SPPL2A: variants seen among roughly 807,000 people sequenced by gnomAD.
The protein encoded by SPPL2A is signal peptide peptidase like 2A, also known as signal peptide peptidase-like 2A.
Under a neutral mutation model 63.8 loss-of-function variants are expected in SPPL2A, and 51 were observed. The ratio of observed to expected loss-of-function variants is 0.80; its 90% CI spans 0.64 to 1.01. SPPL2A has a LOEUF of 1.01. Ranked by LOEUF, SPPL2A falls within the 50% of genes least tolerant of loss-of-function variation. SPPL2A has a pLI of 0.00. For synonymous variants in SPPL2A, 188 were observed against 205.8 expected (o/e 0.91, Z 0.74); for missense variants, 553 against 622.7 (o/e 0.89, Z 1.19).
intron 10 of SPPL2A, among the ~76,000 whole-genome samples, chr15:50,729,996 T>TAAAAAAAAAA (rs10658387): frequency 0.28 from 39,806 of 144,482 alleles, 5,999 homozygotes; most frequent in East Asian, 0.53. Flanking sequence ...CTCGGCCTTT[T>TAAAAAAAAAA]AAAAAAAAAG....
At position 50,725,306 on chromosome 15, in the gene SPPL2A, T is replaced by A; in HGVS notation, c.1164A>T (p.Arg388Ser). ...GNNEKLPVVI[R>S]VPKLIYFSVM... is the part of the protein sequence containing the mutation. ...CTGAGAAATAGATCAGTTTTGGTAC[T>A]CTGATGACTACTGGCAACTGTTCAA... Residue 388 changes from arginine (R) to serine (S), a missense_variant, in exon 12 of 15, where the codon AGA (arginine) becomes AGT (serine). Physicochemically the swap from Arg to Ser is moderately radical, Grantham distance 110. Coordinates refer to ENST00000261854, the MANE Select transcript of SPPL2A (RefSeq NM_032802.4). 1 of 1,588,022 alleles carries A rather than the reference T, an allele frequency of 6.3e-7. No individual in the cohort carries two copies. The highest frequency in any genetic ancestry group is 1.1e-5 in the South Asian group (1 of 88,466).
chr15:50,753,091 T>G (rs2062923966), intron 1 of SPPL2A, among the ~76,000 whole-genome samples: 1 of 152,180 alleles, frequency 6.6e-6, no homozygotes, highest in Non-Finnish European at 1.5e-5. Flanking sequence ...ATAAGGTAAC[T>G]GTTACATTAT....
At chr15:50,710,974 T>C (rs2062551495) in intron 14 of SPPL2A, among the ~76,000 whole-genome samples, 1 of 152,192 alleles carries the variant, frequency 6.6e-6, no homozygotes, top group Admixed American at 6.6e-5. Context: ...CTCCTTTTCA[T>C]TGTGCTATAT....
At chr15:50,747,347 T>C in intron 5 of SPPL2A, 148 bp downstream of exon 5, 1 of 650,816 alleles carries the variant, frequency 1.5e-6, no homozygotes, top group Non-Finnish European at 2.7e-6. Flanking sequence ...AAAATGTAAA[T>C]GATCTACATG....
rs2062843914 is a variant in SPPL2A, at chr15:50,744,515, GTT to G, written c.584+2978_584+2979del. On this transcript the variant is annotated intron_variant, in intron 5 of 14. Coordinates refer to ENST00000261854, the MANE Select transcript of SPPL2A (RefSeq NM_032802.4). ...TCTGGGCACATTTTTTTCATTGAGA[GTT>G]ATGAATATACACTGACTCTTTTTAA... 4.6e-5 allele frequency among the ~76,000 whole-genome samples: 7 copies of G among 152,206 alleles called. No individual in the cohort carries two copies. In the South Asian group the frequency reaches 1.4e-3, roughly 32 times the overall value.
rs2062768455 is a variant in SPPL2A, at chr15:50,736,017, T to C, written c.932+84A>G. ...TGTTCTGGCATAGAAGCAAAAAAAT[T>C]CCATAATAATCATAATAAGTATCAG... On this transcript the variant is annotated intron_variant, in intron 8 of 14. Coordinates refer to ENST00000261854, the MANE Select transcript of SPPL2A (RefSeq NM_032802.4). 2.0e-5 allele frequency: 17 copies of C among 868,290 alleles called. No homozygotes were observed. In the East Asian group the frequency reaches 4.3e-4, roughly 22 times the overall value. The allele number at this position is 868,290 out of a possible 1,614,324, so 53.8% of individuals were successfully genotyped here.
At chr15:50,747,450 T>A in intron 5 of SPPL2A, 45 bp downstream of exon 5, 1 of 1,522,764 alleles carries the variant, frequency 6.6e-7, no homozygotes, top group Non-Finnish European at 8.9e-7. Flanking sequence ...ATTGCAGAAA[T>A]TTTTAACCAT....
At chr15:50,728,654 C>CT (rs1419341050) in intron 10 of SPPL2A, among the ~76,000 whole-genome samples, 2 of 124,172 alleles carry the variant, frequency 1.6e-5, no homozygotes, top group African/African-American at 6.2e-5. Flanking sequence ...CCAACAATTT[C>CT]TTTTTTTGAA....
At chr15:50,755,627 CAAAAAAAAAAAAAAAAAA>C (rs148415568) in intron 1 of SPPL2A, among the ~76,000 whole-genome samples, 2 of 49,550 alleles carry the variant, frequency 4.0e-5, no homozygotes, top group East Asian at 9.5e-4. Context: ...CACCCTGTCT[CAAAAAAAAAAAAAAAAAA>C]AAAAAAAAAA....
chr15:50,742,508 C>G (rs2062830511), intron 5 of SPPL2A, among the ~76,000 whole-genome samples: 1 of 152,094 alleles, frequency 6.6e-6, no homozygotes, highest in Admixed American at 6.6e-5. Context: ...GTTGTGAGGT[C>G]CTGTTCTGGC....
At chr15:50,738,774 AC>A (rs1596388770) in intron 6 of SPPL2A, among the ~76,000 whole-genome samples, 1 of 152,072 alleles carries the variant, frequency 6.6e-6, no homozygotes, top group East Asian at 1.9e-4. Context: ...CATTAATAAG[AC>A]TGTTCAGGAG....
rs2062520661 is a variant in SPPL2A, at chr15:50,707,610, C to T, written c.*190G>A. 1.8e-6 allele frequency: 1 copy of T among 543,326 alleles called. No individual in the cohort carries two copies. Among genetic ancestry groups the T allele is most frequent in the East Asian group, 2.9e-5 (1 of 34,180 alleles). 33.7% of individuals were successfully genotyped at this position (543,326 alleles called of 1,614,324 possible). A position where few individuals can be genotyped will look rare whatever the true frequency, so the allele number is the denominator to read the frequency against. On this transcript the variant is annotated 3_prime_UTR_variant, in exon 15 of 15. Transcript: ENST00000261854. ...CCATATGTTTTATTTAATGTGAAGG[C>T]ACAACTTTAACATTAAAAGCAAAGC...
At chr15:50,761,551 G>A (rs2141065521) in intron 1 of SPPL2A, among the ~76,000 whole-genome samples, 1 of 152,252 alleles carries the variant, frequency 6.6e-6, no homozygotes, top group Non-Finnish European at 1.5e-5. Context: ...GGGAAGCAGA[G>A]GTTGTGATGA....
At chr15:50,708,511 G>C (rs879752868) in intron 14 of SPPL2A, among the ~76,000 whole-genome samples, 2 of 151,474 alleles carry the variant, frequency 1.3e-5, no homozygotes, top group Non-Finnish European at 1.5e-5. Context: ...TTCGAGACCA[G>C]CCTGGCCAAG....
chr15:50,735,248 C>T (rs558435226), intron 8 of SPPL2A, among the ~76,000 whole-genome samples: 2 of 152,098 alleles, frequency 1.3e-5, no homozygotes, highest in South Asian at 2.1e-4. Context: ...CTTGGCATTA[C>T]GTTTGAGATT....
intron 12 of SPPL2A, among the ~76,000 whole-genome samples, chr15:50,723,302 C>T (rs981921978): frequency 6.6e-6 from 1 of 152,148 alleles, no homozygotes; most frequent in Non-Finnish European, 1.5e-5. Flanking sequence ...AATCCCACTA[C>T]TGGGTATATA....
chr15:50,722,289 G>A lies in SPPL2A; in HGVS notation c.1250-88C>T, dbSNP rs75993978. The A allele has an allele frequency of 1.3e-3, 979 of 728,686 alleles. 11 individuals carry two copies. In the African/African-American group the frequency reaches 0.016, roughly 12 times the overall value. 45.1% of individuals were successfully genotyped at this position (728,686 alleles called of 1,614,324 possible). A position where few individuals can be genotyped will look rare whatever the true frequency, so the allele number is the denominator to read the frequency against. On this transcript the variant is annotated intron_variant, in intron 12 of 14. Coordinates refer to ENST00000261854, the MANE Select transcript of SPPL2A (RefSeq NM_032802.4). Reference sequence around the variant, plus strand: ...AACAATAGTAAGTATATGTTATATTGAATCTTCATTGTTGCATTATAAGAA... The same window carrying A: ...AACAATAGTAAGTATATGTTATATTAAATCTTCATTGTTGCATTATAAGAA...
intron 1 of SPPL2A, among the ~76,000 whole-genome samples, chr15:50,752,717 GA>G (rs112938393): frequency 3.9e-4 from 51 of 130,690 alleles, no homozygotes; most frequent in East Asian, 6.8e-4. Context: ...GACTCCATCT[GA>G]AAAAAAAAAA....
intron 5 of SPPL2A, among the ~76,000 whole-genome samples, chr15:50,746,180 C>T (rs1232192844): frequency 6.6e-6 from 1 of 151,704 alleles, no homozygotes; most frequent in Admixed American, 6.6e-5. Context: ...TGACTCACAC[C>T]TGTAATCCCA....
Sources: gnomAD v4.1 joint callset for allele counts (sites outside exome capture counted in the v4.1 genomes callset) on GRCh38, gnomAD v4.1.1 for gene constraint, MANE v1.5 for transcripts, NCBI Gene and HGNC (gene_info 2026-07-23, HGNC 2026-07-21) for gene names.